Variants in MBD5 observed in about 807,000 individuals in gnomAD.
MBD5 encodes the protein methyl-CpG-binding domain protein 5.
A neutral mutation model predicts 117.3 loss-of-function variants in MBD5; 13 were observed. That is an observed-to-expected ratio of 0.11 (90% confidence interval 0.07 to 0.18). MBD5 has a LOEUF of 0.18. Among genes scored for constraint, MBD5 ranks in the 10% least tolerant of loss-of-function variants. MBD5 has a pLI of 1.00. For missense variants in MBD5, 1,879 were observed against 2,093.8 expected, an observed-to-expected ratio of 0.90 and a Z score of 2.00; for synonymous variants, 727 against 766.4, an observed-to-expected ratio of 0.95 and a Z score of 0.85.
chr2:148,318,190 A>G (rs1298691028), intron 3 of MBD5, among the ~76,000 whole-genome samples: 1 of 151,094 alleles, frequency 6.6e-6, no homozygotes, highest in Admixed American at 6.6e-5. Context: ...TTTAATTTTT[A>G]TTTCTCTGAT....
chr2:148,363,310 G>C (rs1264221300), intron 4 of MBD5, among the ~76,000 whole-genome samples: 1 of 152,128 alleles, frequency 6.6e-6, no homozygotes, highest in Non-Finnish European at 1.5e-5. Context: ...TTGGCTCACT[G>C]CCAGCTCCAC....
intron 2 of MBD5, among the ~76,000 whole-genome samples, chr2:148,201,254 A>C (rs73009286): frequency 0.045 from 6,841 of 152,178 alleles, 428 homozygotes; most frequent in African/African-American, 0.14. Context: ...GGCCATTCCA[A>C]GCACTGGCAC....
intron 1 of MBD5, among the ~76,000 whole-genome samples, chr2:148,167,427 G>T (rs1698151755): frequency 1.3e-5 from 2 of 152,144 alleles, no homozygotes; most frequent in Non-Finnish European, 2.9e-5. Context: ...CAACAACCTA[G>T]TGATTTGTTC....
intron 2 of MBD5, among the ~76,000 whole-genome samples, chr2:148,210,431 C>CA (rs1699394263): frequency 6.6e-6 from 1 of 151,926 alleles, no homozygotes; most frequent in African/African-American, 2.4e-5. Context: ...CTGGCAAGCT[C>CA]ATATTTTGCT....
rs1177494465 is a variant in MBD5 at position 148,082,884 on chromosome 2, T to C, written c.-925+61200T>C. On this transcript the variant is annotated intron_variant, in intron 1 of 13. Transcript: ENST00000642680. ...AGGTTATCCTCTATAAAAGTATTAT[T>C]AATAATTATAAACAACATTTATTAG... Among the ~76,000 whole-genome samples, 5 of 152,256 alleles carry C rather than the reference T, an allele frequency of 3.3e-5. No individual in the cohort carries two copies. The South Asian group carries it at 1.0e-3, about 31-fold the overall frequency.
chr2:148,139,369 G>T (rs1381599511), intron 1 of MBD5, among the ~76,000 whole-genome samples: 1 of 152,140 alleles, frequency 6.6e-6, no homozygotes, highest in African/African-American at 2.4e-5. Context: ...ACCACGCCCA[G>T]CTAATTTTGT....
At position 148,173,132 on chromosome 2, in the gene MBD5, A is replaced by G. The variant is rs1455366068; in HGVS notation, c.-924-5568A>G. Among the ~76,000 whole-genome samples, 5 of 152,082 alleles carry G rather than the reference A, an allele frequency of 3.3e-5. No individual in the cohort carries two copies. In the South Asian group the frequency reaches 1.0e-3, roughly 32 times the overall value. ...CAAACAGGGCTAAAACACGCCCCCC[A>G]CTCACCACAATGCGGGCGACTAGAA... On this transcript the variant is annotated intron_variant, in intron 1 of 13. Coordinates refer to ENST00000642680, the MANE Select transcript of MBD5 (RefSeq NM_001378120.1).
intron 2 of MBD5, among the ~76,000 whole-genome samples, chr2:148,184,039 T>G (rs1284392973): frequency 1.3e-5 from 2 of 150,468 alleles, no homozygotes; most frequent in Non-Finnish European, 3.0e-5. Context: ...TTTTTTTTTT[T>G]GAGACCTTCT....
intron 4 of MBD5, among the ~76,000 whole-genome samples, chr2:148,432,601 C>T (rs1440036531): frequency 1.3e-5 from 2 of 152,064 alleles, no homozygotes; most frequent in East Asian, 1.9e-4. Context: ...ACAATTATCC[C>T]GTCAACATTT....
intron 3 of MBD5, among the ~76,000 whole-genome samples, chr2:148,287,127 A>G (rs780116548): frequency 6.6e-6 from 1 of 152,066 alleles, no homozygotes; most frequent in Non-Finnish European, 1.5e-5. Context: ...CTCCTTTCAA[A>G]CACCCATTGA....
chr2:148,478,544 T>G (rs1312651043), intron 8 of MBD5, among the ~76,000 whole-genome samples: 2 of 151,924 alleles, frequency 1.3e-5, no homozygotes, highest in African/African-American at 2.4e-5. Flanking sequence ...GGCAACAGAG[T>G]GAGACTCCAT....
intron 7 of MBD5, 75 bp downstream of exon 7, chr2:148,463,994 C>T: frequency 6.8e-7 from 1 of 1,465,854 alleles, no homozygotes; most frequent in Non-Finnish European, 9.4e-7. Flanking sequence ...TTTTGCCTAG[C>T]ATTTTCTCAT....
At chr2:148,389,186 GGTGTGTGTGT>G (rs70995313) in intron 4 of MBD5, among the ~76,000 whole-genome samples, 1,076 of 89,578 alleles carry the variant, frequency 0.012, 31 homozygotes, top group African/African-American at 0.039. Flanking sequence ...AGTATTCCGT[GGTGTGTGTGT>G]GTGTGTGTGT....
chr2:148,389,261 T>C (rs1251777595), intron 4 of MBD5, among the ~76,000 whole-genome samples: 1 of 32,832 alleles, frequency 3.0e-5, no homozygotes, highest in African/African-American at 1.7e-4. Context: ...CATATATATA[T>C]ATATATATAT....
At chr2:148,346,744 C>A (rs1027949838) in intron 4 of MBD5, 1 of 151,572 alleles carries the variant, frequency 6.6e-6, no homozygotes, top group African/African-American at 2.4e-5. Context: ...ATATATATCA[C>A]AATTATGTCT....
rs1574459848 is a variant in MBD5, at chr2:148,469,062, T to A, written c.1119T>A (p.Pro373=). ...CTAGTAAACCAGTGAATCAGAACCC[T>A]GTTATCATTAATCCAACCAGTTTCC... ...PIPSKPVNQN[P]VIINPTSFHS... Residue 373 remains proline (P), a synonymous_variant, in exon 8 of 14, where the codon CCT becomes CCA. Transcript: ENST00000642680. The A allele has an allele frequency of 1.9e-6, 3 of 1,613,906 alleles. No individual in the cohort carries two copies. In the East Asian group the frequency reaches 6.7e-5, roughly 36 times the overall value.
chr2:148,430,637 A>G (rs757472900), intron 4 of MBD5, among the ~76,000 whole-genome samples: 49 of 152,174 alleles, frequency 3.2e-4, no homozygotes, highest in Non-Finnish European at 5.6e-4. Context: ...AATTATTTTT[A>G]GGCTATTGTT....
chr2:148,288,586 A>G (rs1701423377), intron 3 of MBD5, among the ~76,000 whole-genome samples: 1 of 151,754 alleles, frequency 6.6e-6, no homozygotes, highest in Non-Finnish European at 1.5e-5. Context: ...TTGATTCACC[A>G]TTATATTATA....
intron 1 of MBD5, among the ~76,000 whole-genome samples, chr2:148,137,593 C>T (rs1697201770): frequency 6.6e-6 from 1 of 152,154 alleles, no homozygotes; most frequent in Non-Finnish European, 1.5e-5. Context: ...GACACTGTCT[C>T]AGTGATCAAT....
Sources: allele counts gnomAD v4.1 joint callset (sites outside exome capture counted in the v4.1 genomes callset), GRCh38; gene constraint gnomAD v4.1.1; transcripts MANE v1.5; gene names NCBI Gene and HGNC (gene_info 2026-07-23, HGNC 2026-07-21).